Variants in ELAVL3 observed in about 807,000 individuals in gnomAD.
ELAVL3 encodes ELAV-like protein 3.
A neutral mutation model predicts 34.2 loss-of-function variants in ELAVL3; 8 were observed. The ratio of observed to expected loss-of-function variants is 0.23; its 90% CI spans 0.14 to 0.42. ELAVL3 has a LOEUF of 0.42. Among genes scored for constraint, ELAVL3 ranks in the 10% least tolerant of loss-of-function variants. ELAVL3 has a pLI of 1.00. For missense variants in ELAVL3, 273 were observed against 518.8 expected (o/e 0.53, Z 4.60); for synonymous variants, 209 against 222.1 (o/e 0.94, Z 0.53).
chr19:11,465,499 C>A (rs1568383224), intron 3 of ELAVL3, among the ~76,000 whole-genome samples: 1 of 151,946 alleles, frequency 6.6e-6, no homozygotes, highest in Admixed American at 6.5e-5. Flanking sequence ...AACTTCACTC[C>A]CCCACCCCAA....
intron 3 of ELAVL3, among the ~76,000 whole-genome samples, chr19:11,465,560 C>G (rs1269001972): frequency 6.6e-6 from 1 of 150,814 alleles, no homozygotes; most frequent in Non-Finnish European, 1.5e-5. Flanking sequence ...ACCTCTGTTC[C>G]CATGTTGAAC....
chr19:11,464,503 A>AGTG (rs1970968954), intron 3 of ELAVL3, among the ~76,000 whole-genome samples: 2 of 151,478 alleles, frequency 1.3e-5, no homozygotes, highest in African/African-American at 4.9e-5. Flanking sequence ...ATTGTGTCAC[A>AGTG]GCCAGAGCCA....
chr19:11,463,994 A>C (rs890707965), intron 3 of ELAVL3, among the ~76,000 whole-genome samples: 7 of 147,240 alleles, frequency 4.8e-5, no homozygotes, highest in Middle Eastern at 3.4e-3. Context: ...AAATCAAAAA[A>C]CCAAAAAAAA....
chr19:11,465,246 CACAT>C (rs1971019944), intron 3 of ELAVL3, among the ~76,000 whole-genome samples: 1 of 133,920 alleles, frequency 7.5e-6, no homozygotes, highest in Admixed American at 7.4e-5. Flanking sequence ...GCACACCACA[CACAT>C]ACACACCGCA....
At chr19:11,470,102 C>A (rs553894913) in intron 1 of ELAVL3, among the ~76,000 whole-genome samples, 1 of 152,244 alleles carries the variant, frequency 6.6e-6, no homozygotes, top group South Asian at 2.1e-4. Context: ...AGCCTGTAAT[C>A]CCAGCAGTTT....
intron 1 of ELAVL3, among the ~76,000 whole-genome samples, chr19:11,475,736 C>G (rs1220263156): frequency 6.6e-6 from 1 of 151,958 alleles, no homozygotes; most frequent in Non-Finnish European, 1.5e-5. Flanking sequence ...GCCTCAGCCT[C>G]CGAAGTAGCT....
intron 1 of ELAVL3, among the ~76,000 whole-genome samples, chr19:11,472,521 T>G (rs1971183838): frequency 6.6e-6 from 1 of 152,000 alleles, no homozygotes; most frequent in Non-Finnish European, 1.5e-5. Context: ...GGCAACACAG[T>G]GAGATCTTGT....
Position 11,454,516 on chromosome 19 carries a change from C to G in ELAVL3, c.*10G>C. On this transcript the variant is annotated 3_prime_UTR_variant, in exon 7 of 7. Coordinates refer to ENST00000359227, the MANE Select transcript of ELAVL3 (RefSeq NM_001420.4). This position sits in a 1 kb window ranked among gnomAD's most constrained non-coding sequence, Gnocchi z 9.2. ...CCCGGGGAGGGGGTGGGAGGGCAGG[C>G]GGGGTGGGCTCACGCCTTGTGCTGT... 1 of 1,570,498 alleles carries G rather than the reference C, an allele frequency of 6.4e-7. No homozygotes were observed. Among genetic ancestry groups the G allele is most frequent in the South Asian group, 1.2e-5 (1 of 86,438 alleles).
chr19:11,459,718 T>C (rs1349067374), intron 3 of ELAVL3, among the ~76,000 whole-genome samples: 1 of 152,164 alleles, frequency 6.6e-6, no homozygotes, highest in Non-Finnish European at 1.5e-5. Flanking sequence ...TGGCCTATTT[T>C]TATTTTATTG....
Position 11,457,140 on chromosome 19 carries a change from TTGTCCAGCC to T in ELAVL3, c.714-1_721del. ...GACGCCGTAGGCCATGTTGAGCAAA[TTGTCCAGCC>T]TGTGGAGGCAGAGGTGGTGGTCAGA... On this transcript the variant is annotated splice_acceptor_variant and coding_sequence_variant, in exon 6 of 7. Transcript: ENST00000359227. LOFTEE classifies it high-confidence loss of function. The T allele has an allele frequency of 6.5e-7, 1 of 1,547,096 alleles. No individual in the cohort carries two copies. The highest frequency in any genetic ancestry group is 8.7e-7 in the Non-Finnish European group (1 of 1,153,942).
intron 1 of ELAVL3, among the ~76,000 whole-genome samples, chr19:11,469,090 T>A (rs1303408091): frequency 6.6e-6 from 1 of 151,972 alleles, no homozygotes; most frequent in African/African-American, 2.4e-5. Context: ...TGGCTACTTT[T>A]TTTTTCTTTG....
Position 11,480,074 on chromosome 19 carries a change from C to T in ELAVL3, c.9+526G>A, listed in dbSNP as rs1971344876. Among the ~76,000 whole-genome samples, 1 of 151,906 alleles carries T rather than the reference C, an allele frequency of 6.6e-6. No individual in the cohort carries two copies. Among genetic ancestry groups the T allele is most frequent in the Non-Finnish European group, 1.5e-5 (1 of 67,912 alleles). On this transcript the variant is annotated intron_variant, in intron 1 of 6. Transcript: ENST00000359227. This position sits in a 1 kb window ranked among gnomAD's most constrained non-coding sequence, Gnocchi z 6.8. ...GCGGGGCCTCCGGGCGCGCCCCCTC[C>T]TCTCCCCTCCCCGCTTGCCGCAAGG...
intron 3 of ELAVL3, among the ~76,000 whole-genome samples, chr19:11,464,904 CAA>C (rs1398424474): frequency 8.5e-5 from 9 of 105,802 alleles, no homozygotes; most frequent in African/African-American, 2.9e-4. Flanking sequence ...ACACACACCA[CAA>C]ACACACACCA....
Position 11,454,306 on chromosome 19 carries a change from G to C in ELAVL3, c.*220C>G. On this transcript the variant is annotated 3_prime_UTR_variant, in exon 7 of 7. Transcript: ENST00000359227. This position sits in a 1 kb window ranked among gnomAD's most constrained non-coding sequence, Gnocchi z 9.2. ...ACAGCCCAGCCTGGGGTGGGGGCAGGAGGATGGGGCGGGGGATCCCCGGGC... is the reference window on the plus strand; with the variant it reads ...ACAGCCCAGCCTGGGGTGGGGGCAGCAGGATGGGGCGGGGGATCCCCGGGC... 1.8e-6 allele frequency: 1 copy of C among 561,166 alleles called. No homozygotes were observed. Among genetic ancestry groups the C allele is most frequent in the Non-Finnish European group, 3.2e-6 (1 of 316,330 alleles). The allele number at this position is 561,166 out of a possible 1,614,324, so 34.8% of individuals were successfully genotyped here.
At chr19:11,457,290 C>A in intron 5 of ELAVL3, 142 bp from the exon 6 acceptor site, 1 of 899,108 alleles carries the variant, frequency 1.1e-6, no homozygotes, top group Non-Finnish European at 1.6e-6. Flanking sequence ...GCCCGCCCGG[C>A]TAGACACTGC....
intron 1 of ELAVL3, among the ~76,000 whole-genome samples, chr19:11,478,221 G>A (rs1417375772): frequency 6.6e-6 from 1 of 152,110 alleles, no homozygotes; most frequent in Non-Finnish European, 1.5e-5. Flanking sequence ...CCCTCCCATG[G>A]TGTCCCCAAC....
chr19:11,475,612 CTTTTTTTT>C (rs35672237), intron 1 of ELAVL3, among the ~76,000 whole-genome samples: 1 of 133,744 alleles, frequency 7.5e-6, no homozygotes, highest in East Asian at 2.1e-4. Context: ...TCACCATCTA[CTTTTTTTT>C]TTTTTTTTTT....
In ELAVL3 at chr19:11,454,451, CTCTCTCTCTCTCTCTCTT is replaced by C. The variant is rs936882896; in HGVS notation, c.*57_*74del. 2 of 636,442 alleles carry C rather than the reference CTCTCTCTCTCTCTCTCTT, an allele frequency of 3.1e-6. No homozygotes were observed. The highest frequency in any genetic ancestry group is 2.0e-5 in the African/African-American group (1 of 50,094). 39.4% of individuals were successfully genotyped at this position (636,442 alleles called of 1,614,324 possible). A position where few individuals can be genotyped will look rare whatever the true frequency, so the allele number is the denominator to read the frequency against. ...CTGTGCTGTCTCTCTTGGGCCCCTTCTCTCTCTCTCTCTCTCTTTCTCTCTCTCTCTCTCTGCTGCCCG... is the reference window on the plus strand; with the variant it reads ...CTGTGCTGTCTCTCTTGGGCCCCTTCTCTCTCTCTCTCTCTCTGCTGCCCG... On this transcript the variant is annotated 3_prime_UTR_variant, in exon 7 of 7. Coordinates refer to ENST00000359227, the MANE Select transcript of ELAVL3 (RefSeq NM_001420.4). The surrounding 1 kb of genome is among the most constrained non-coding windows in gnomAD (Gnocchi z 9.2).
rs779645608 is a variant in ELAVL3 at position 11,454,523 on chromosome 19, G to T, written c.*3C>A. 2 of 1,588,606 alleles carry T rather than the reference G, an allele frequency of 1.3e-6. No homozygotes were observed. The highest frequency in any genetic ancestry group is 1.7e-5 in the Admixed American group (1 of 58,826). On this transcript the variant is annotated 3_prime_UTR_variant, in exon 7 of 7. Transcript: ENST00000359227. This position sits in a 1 kb window ranked among gnomAD's most constrained non-coding sequence, Gnocchi z 9.2. ...AGGGGGTGGGAGGGCAGGCGGGGTG[G>T]GCTCACGCCTTGTGCTGTTTGCTGG...
Sources: gnomAD v4.1 joint callset for allele counts (sites outside exome capture counted in the v4.1 genomes callset) on GRCh38, gnomAD v4.1.1 for gene constraint, Gnocchi (gnomAD v3.1) non-coding constraint, MANE v1.5 for transcripts, NCBI Gene and HGNC (gene_info 2026-07-23, HGNC 2026-07-21) for gene names.